TENM4: variants seen among roughly 807,000 people sequenced by gnomAD.
The protein encoded by TENM4 is teneurin-4.
Under a neutral mutation model 243.3 loss-of-function variants are expected in TENM4, and 82 were observed. That is an observed-to-expected ratio of 0.34 (90% CI 0.28 to 0.40). TENM4 has a LOEUF of 0.40. Among genes scored for constraint, TENM4 ranks in the 10% least tolerant of loss-of-function variants. The pLI is 1.00. For synonymous variants in TENM4, 1,412 were observed against 1,456.3 expected, an observed-to-expected ratio of 0.97 and a Z score of 0.69; for missense variants, 3,138 against 3,673.3, an observed-to-expected ratio of 0.85 and a Z score of 3.77.
At chr11:79,058,989 A>G (rs1411517509) in intron 6 of TENM4, among the ~76,000 whole-genome samples, 2 of 152,224 alleles carry the variant, frequency 1.3e-5, no homozygotes, top group Non-Finnish European at 2.9e-5. Flanking sequence ...TCTCTTGGGT[A>G]TGGGGCCAAG....
At chr11:78,671,972 G>C (rs1418559890) in intron 31 of TENM4, 61 bp downstream of exon 31, 9 of 1,545,002 alleles carry the variant, frequency 5.8e-6, no homozygotes, top group Non-Finnish European at 7.9e-6. Flanking sequence ...GGCTGGGCTT[G>C]GCCGTGAATG....
At chr11:79,369,343 A>G (rs1166589364) in intron 1 of TENM4, among the ~76,000 whole-genome samples, 2 of 152,312 alleles carry the variant, frequency 1.3e-5, no homozygotes, top group East Asian at 3.9e-4. Context: ...ATCAGCATGT[A>G]TAATTTCTCA....
chr11:78,919,613 A>AT (rs1856400187), intron 6 of TENM4, among the ~76,000 whole-genome samples: 1 of 152,130 alleles, frequency 6.6e-6, no homozygotes, highest in South Asian at 2.1e-4. Flanking sequence ...CATATGAGGA[A>AT]TGCCTGCCTG....
intron 4 of TENM4, among the ~76,000 whole-genome samples, chr11:79,085,368 C>A (rs1170730925): frequency 1.9e-5 from 2 of 103,830 alleles, no homozygotes; most frequent in Admixed American, 1.1e-4. Flanking sequence ...AAGAGCGAGA[C>A]TCTGTCTCAA....
intron 6 of TENM4, among the ~76,000 whole-genome samples, chr11:78,913,612 TG>T (rs1856245733): frequency 6.6e-6 from 1 of 151,274 alleles, no homozygotes; most frequent in Non-Finnish European, 1.5e-5. Context: ...TGTGTGTGTG[TG>T]TGTGTGTGTG....
intron 28 of TENM4, among the ~76,000 whole-genome samples, chr11:78,695,810 T>A (rs971818705): frequency 4.6e-5 from 7 of 151,802 alleles, no homozygotes; most frequent in Admixed American, 3.9e-4. Context: ...AGGTTTTCTG[T>A]CTCTCCTTTT....
intron 6 of TENM4, among the ~76,000 whole-genome samples, chr11:79,003,492 T>C (rs1433123963): frequency 6.6e-6 from 1 of 152,208 alleles, no homozygotes; most frequent in Non-Finnish European, 1.5e-5. Context: ...TGGGGGCCTA[T>C]ATTCAGCATT....
intron 2 of TENM4, among the ~76,000 whole-genome samples, chr11:79,259,616 T>A (rs1855759356): frequency 6.6e-6 from 1 of 150,980 alleles, no homozygotes; most frequent in South Asian, 2.1e-4. Context: ...CATCCATCCA[T>A]CCCTCCACCC....
intron 3 of TENM4, among the ~76,000 whole-genome samples, chr11:79,199,585 A>G (rs1223553962): frequency 6.6e-6 from 1 of 152,224 alleles, no homozygotes; most frequent in African/African-American, 2.4e-5. Flanking sequence ...TCAAATACCC[A>G]GAAATGGGTG....
At chr11:79,094,703 C>A (rs573021739) in intron 4 of TENM4, among the ~76,000 whole-genome samples, 1 of 152,318 alleles carries the variant, frequency 6.6e-6, no homozygotes, top group South Asian at 2.1e-4. Flanking sequence ...CCTCCTCTCC[C>A]AGGCTGGGCT....
chr11:78,752,694 CT>C (rs1181302500), intron 19 of TENM4, among the ~76,000 whole-genome samples: 2 of 152,338 alleles, frequency 1.3e-5, no homozygotes, highest in African/African-American at 4.8e-5. Flanking sequence ...AGAAATTCCA[CT>C]CTCTGGAGAA....
chr11:79,354,881 T>C (rs980079), intron 1 of TENM4, among the ~76,000 whole-genome samples: 50,162 of 152,114 alleles, frequency 0.33, 9,428 homozygotes, highest in African/African-American at 0.53. Flanking sequence ...AAAATAATAT[T>C]CTATGTGTGC....
At chr11:78,893,601 T>C (rs1855715110) in intron 7 of TENM4, among the ~76,000 whole-genome samples, 1 of 152,114 alleles carries the variant, frequency 6.6e-6, no homozygotes, top group African/African-American at 2.4e-5. Context: ...AACCTTGGCT[T>C]TCCTCTGCCT....
intron 4 of TENM4, among the ~76,000 whole-genome samples, chr11:79,132,965 C>A (rs1862041969): frequency 6.6e-6 from 1 of 151,980 alleles, no homozygotes. Context: ...AAATCAAACC[C>A]AAACCCAGCA....
Position 79,104,754 on chromosome 11 carries a change from A to G in TENM4, c.-65-34745T>C, listed in dbSNP as rs77215907. Reference sequence around the variant, plus strand: ...GGGTCAAAGAGTATGTGATATTACTAGGCTTTGGCTAAGTAGTGAGAATGG... The same window carrying G: ...GGGTCAAAGAGTATGTGATATTACTGGGCTTTGGCTAAGTAGTGAGAATGG... On this transcript the variant is annotated intron_variant, in intron 4 of 33. Coordinates refer to ENST00000278550, the MANE Select transcript of TENM4 (RefSeq NM_001098816.3). 9.6e-3 allele frequency among the ~76,000 whole-genome samples: 1,457 copies of G among 152,326 alleles called. 30 individuals carry two copies. The highest frequency in any genetic ancestry group is 0.034 in the African/African-American group (1,406 of 41,572).
At chr11:78,736,522 G>A (rs1855802226) in intron 20 of TENM4, among the ~76,000 whole-genome samples, 1 of 151,506 alleles carries the variant, frequency 6.6e-6, no homozygotes, top group African/African-American at 2.4e-5. Flanking sequence ...GCTGGATGAG[G>A]GCAAGTATCA....
intron 6 of TENM4, among the ~76,000 whole-genome samples, chr11:79,009,569 A>G (rs997282146): frequency 3.9e-5 from 6 of 152,118 alleles, no homozygotes; most frequent in Admixed American, 3.9e-4. Flanking sequence ...AATTCTACAG[A>G]GCATTATGGA....
intron 6 of TENM4, among the ~76,000 whole-genome samples, chr11:79,046,190 C>T (rs1332575291): frequency 6.6e-6 from 1 of 152,176 alleles, no homozygotes; most frequent in Non-Finnish European, 1.5e-5. Context: ...GTGTCCTGGC[C>T]CAGCCTGGTC....
At chr11:78,823,003 C>G (rs1275166866) in intron 12 of TENM4, among the ~76,000 whole-genome samples, 2 of 152,186 alleles carry the variant, frequency 1.3e-5, no homozygotes, top group Non-Finnish European at 2.9e-5. Context: ...TAGCCTCCTT[C>G]CTGGCTGTTG....
Sources: gnomAD v4.1 joint callset for allele counts (sites outside exome capture counted in the v4.1 genomes callset) on GRCh38, gnomAD v4.1.1 for gene constraint, MANE v1.5 for transcripts, NCBI Gene and HGNC (gene_info 2026-07-23, HGNC 2026-07-21) for gene names.